ADCY8: variants seen among roughly 807,000 people sequenced by gnomAD.
The protein encoded by ADCY8 is adenylate cyclase type 8.
In ADCY8, 51 loss-of-function variants were observed where a neutral mutation model predicts 119.7. That is an observed-to-expected ratio of 0.43 (90% CI 0.34 to 0.54). The LOEUF (loss-of-function observed/expected upper bound fraction) is 0.54, where lower values mean the gene tolerates loss of function less well. Ranked by LOEUF, ADCY8 falls within the 20% of genes least tolerant of loss-of-function variation. ADCY8 has a pLI of 0.03. For missense variants in ADCY8, 1,383 were observed against 1,598.8 expected, an observed-to-expected ratio of 0.87 and a Z score of 2.30; for synonymous variants, 665 against 651.0, an observed-to-expected ratio of 1.02 and a Z score of -0.33.
intron 7 of ADCY8, among the ~76,000 whole-genome samples, chr8:130,902,983 G>A (rs770789455): frequency 6.6e-6 from 1 of 152,042 alleles, no homozygotes; most frequent in Non-Finnish European, 1.5e-5. Flanking sequence ...ATTAGAGCAG[G>A]TAATTTTGCC....
chr8:130,936,722 C>T (rs1009457547), intron 5 of ADCY8, among the ~76,000 whole-genome samples: 2 of 152,212 alleles, frequency 1.3e-5, no homozygotes. Context: ...TATTGTTCTG[C>T]ATTGAAATTT....
At chr8:130,982,237 C>T (rs1822262257) in intron 2 of ADCY8, among the ~76,000 whole-genome samples, 1 of 152,156 alleles carries the variant, frequency 6.6e-6, no homozygotes, top group Admixed American at 6.5e-5. Flanking sequence ...GCTTGCCACT[C>T]AAAACCTTCC....
Position 130,877,994 on chromosome 8 carries a change from G to A in ADCY8, c.2109+6570C>T, listed in dbSNP as rs570455575. ...CCTTGTGCAGGTTTGGGTTAGAAGA[G>A]GATTAATTAGAAGGACAAGGGAAAA... On this transcript the variant is annotated intron_variant, in intron 8 of 17. Transcript: ENST00000286355. Among the ~76,000 whole-genome samples, 17 of 152,244 alleles carry A rather than the reference G, an allele frequency of 1.1e-4. No individual in the cohort carries two copies. The East Asian group carries it at 3.3e-3, about 29-fold the overall frequency.
chr8:130,995,971 G>A (rs922137661), intron 1 of ADCY8, among the ~76,000 whole-genome samples: 6 of 152,060 alleles, frequency 3.9e-5, no homozygotes, highest in African/African-American at 1.4e-4. Context: ...TAATTGCTCA[G>A]CACTTAATAA....
At chr8:131,034,147 C>T (rs1308492303) in intron 1 of ADCY8, among the ~76,000 whole-genome samples, 1 of 151,872 alleles carries the variant, frequency 6.6e-6, no homozygotes, top group Non-Finnish European at 1.5e-5. Flanking sequence ...ATACCAACTA[C>T]CAAATTGGAA....
intron 1 of ADCY8, 76 bp from the exon 2 acceptor site, chr8:130,990,618 A>G: frequency 6.5e-7 from 1 of 1,545,498 alleles, no homozygotes. Context: ...ACAAATAAAT[A>G]TGAATTTCCA....
chr8:130,946,031 G>T (rs879578971), intron 3 of ADCY8, among the ~76,000 whole-genome samples: 2 of 152,186 alleles, frequency 1.3e-5, no homozygotes, highest in Non-Finnish European at 2.9e-5. Flanking sequence ...AGAAAGAAAA[G>T]TCATTGCTAT....
intron 4 of ADCY8, among the ~76,000 whole-genome samples, chr8:130,942,737 G>A (rs1238814633): frequency 2.6e-5 from 4 of 152,308 alleles, no homozygotes; most frequent in East Asian, 1.9e-4. Flanking sequence ...GAAGTACAGC[G>A]TGATAATGAT....
chr8:131,036,772 G>A (rs1270147018), intron 1 of ADCY8, among the ~76,000 whole-genome samples: 1 of 152,252 alleles, frequency 6.6e-6, no homozygotes, highest in East Asian at 1.9e-4. Context: ...CCCAGAATTA[G>A]GAAGAGCTTG....
intron 11 of ADCY8, among the ~76,000 whole-genome samples, chr8:130,844,015 C>G (rs1410344995): frequency 6.6e-6 from 1 of 152,090 alleles, no homozygotes; most frequent in Non-Finnish European, 1.5e-5. Flanking sequence ...GAAGGAAATG[C>G]CAGCATGCCA....
chr8:130,796,215 T>C (rs1174284522), intron 15 of ADCY8, among the ~76,000 whole-genome samples: 1 of 152,218 alleles, frequency 6.6e-6, no homozygotes, highest in Non-Finnish European at 1.5e-5. Context: ...CCTCAGAAGA[T>C]AATTTGGAGG....
At chr8:130,827,220 G>A (rs1264572805) in intron 12 of ADCY8, among the ~76,000 whole-genome samples, 1 of 152,158 alleles carries the variant, frequency 6.6e-6, no homozygotes, top group Non-Finnish European at 1.5e-5. Flanking sequence ...TTAATGAAGA[G>A]CATCCCCAAA....
chr8:130,953,440 T>A (rs2130663285), intron 2 of ADCY8, among the ~76,000 whole-genome samples: 1 of 152,318 alleles, frequency 6.6e-6, no homozygotes, highest in South Asian at 2.1e-4. Context: ...TTTCATATAA[T>A]GGACAGAATG....
chr8:130,791,925 A>G (rs552440134), intron 15 of ADCY8, among the ~76,000 whole-genome samples: 1 of 152,356 alleles, frequency 6.6e-6, no homozygotes, highest in South Asian at 2.1e-4. Context: ...ATCCTACAGC[A>G]GTCTTTCTTG....
At chr8:130,909,900 T>A (rs371236791) in intron 5 of ADCY8, 34 bp from the exon 6 acceptor site, 1 of 1,606,788 alleles carries the variant, frequency 6.2e-7, no homozygotes, top group Admixed American at 1.7e-5. Context: ...GACACATGTA[T>A]AAGACCAGAG....
intron 13 of ADCY8, among the ~76,000 whole-genome samples, chr8:130,819,052 A>T (rs1219576039): frequency 6.6e-6 from 1 of 152,210 alleles, no homozygotes; most frequent in Non-Finnish European, 1.5e-5. Flanking sequence ...TATTACAATT[A>T]TATTCTCATA....
intron 1 of ADCY8, among the ~76,000 whole-genome samples, chr8:131,009,258 A>G (rs1823223781): frequency 6.6e-6 from 1 of 152,156 alleles, no homozygotes; most frequent in African/African-American, 2.4e-5. Flanking sequence ...GGGGTAGGCC[A>G]AGGGCCCCCC....
At chr8:130,847,232 G>A (rs1817359113) in intron 11 of ADCY8, among the ~76,000 whole-genome samples, 192 bp downstream of exon 11, 1 of 151,920 alleles carries the variant, frequency 6.6e-6, no homozygotes, top group Non-Finnish European at 1.5e-5. Flanking sequence ...AGAGGACTGG[G>A]AAACAGAAAA....
At chr8:130,795,492 C>G (rs1815552833) in intron 15 of ADCY8, among the ~76,000 whole-genome samples, 8 of 152,262 alleles carry the variant, frequency 5.3e-5, no homozygotes, top group Admixed American at 5.2e-4. Context: ...TCAAACCTCA[C>G]TGATTCCCAA....
Sources: gnomAD v4.1 joint callset for allele counts (sites outside exome capture counted in the v4.1 genomes callset) on GRCh38, gnomAD v4.1.1 for gene constraint, MANE v1.5 for transcripts, NCBI Gene and HGNC (gene_info 2026-07-23, HGNC 2026-07-21) for gene names.